HS6ST3: variants seen among roughly 807,000 people sequenced by gnomAD.
The protein encoded by HS6ST3 is heparan-sulfate 6-O-sulfotransferase 3.
In HS6ST3, 12 loss-of-function variants were observed where a neutral mutation model predicts 36.7. The observed-to-expected ratio is 0.33, with a 90% CI of 0.21 to 0.53. The LOEUF (loss-of-function observed/expected upper bound fraction) is 0.53, where lower values mean the gene tolerates loss of function less well. HS6ST3 is among the 20% of genes least tolerant of loss of function. The pLI is 0.95. For missense variants in HS6ST3, 584 were observed against 640.9 expected (o/e 0.91, Z 0.96); for synonymous variants, 240 against 257.5 (o/e 0.93, Z 0.65).
chr13:96,722,857 G>T (rs1200210450), intron 1 of HS6ST3, among the ~76,000 whole-genome samples: 1 of 152,106 alleles, frequency 6.6e-6, no homozygotes, highest in Non-Finnish European at 1.5e-5. Context: ...TGCGCCTGTA[G>T]TCCCAGCTAC....
chr13:96,500,038 T>C (rs576915879), intron 1 of HS6ST3, among the ~76,000 whole-genome samples: 24 of 152,330 alleles, frequency 1.6e-4, no homozygotes, highest in Non-Finnish European at 2.8e-4. Context: ...CAGAACATTT[T>C]CATCACTGCA....
intron 1 of HS6ST3, among the ~76,000 whole-genome samples, chr13:96,824,367 G>A (rs1244661887): frequency 2.6e-5 from 4 of 152,202 alleles, no homozygotes; most frequent in Admixed American, 2.6e-4. Context: ...ACACACCACT[G>A]TCAGCTTCCT....
rs2056301976 is a variant in HS6ST3, at chr13:96,571,810, G to T, written c.708-260680G>T. ...AGTCAAAGATAGTTTGTATATTTAT[G>T]CCTACCTCATAACAAGAAGGATTCA... On this transcript the variant is annotated intron_variant, in intron 1 of 1. Transcript: ENST00000376705. Among the ~76,000 whole-genome samples the T allele has an allele frequency of 2.0e-5, 3 of 152,134 alleles. No homozygotes were observed. The South Asian group carries it at 6.2e-4, about 31-fold the overall frequency.
intron 1 of HS6ST3, among the ~76,000 whole-genome samples, chr13:96,768,914 T>C (rs1877188464): frequency 6.6e-6 from 1 of 152,058 alleles, no homozygotes; most frequent in South Asian, 2.1e-4. Flanking sequence ...AAACAAAGAT[T>C]CCTGGGCTAG....
intron 1 of HS6ST3, among the ~76,000 whole-genome samples, chr13:96,826,606 T>C (rs1328794248): frequency 6.6e-6 from 1 of 152,086 alleles, no homozygotes; most frequent in Non-Finnish European, 1.5e-5. Context: ...TCAAGGAAGA[T>C]GGATGTGAGC....
At chr13:96,312,839 C>T (rs1350417043) in intron 1 of HS6ST3, among the ~76,000 whole-genome samples, 1 of 150,064 alleles carries the variant, frequency 6.7e-6, no homozygotes, top group Non-Finnish European at 1.5e-5. Flanking sequence ...GTAATCCCAG[C>T]TACTTAGGAG....
chr13:96,184,917 C>T (rs895696225), intron 1 of HS6ST3, among the ~76,000 whole-genome samples: 3 of 152,146 alleles, frequency 2.0e-5, no homozygotes, highest in African/African-American at 4.8e-5. Context: ...GGCCCTGGCA[C>T]AAGGTAGTGA....
chr13:96,227,488 ACCT>A (rs1386073214), intron 1 of HS6ST3, among the ~76,000 whole-genome samples: 4 of 152,132 alleles, frequency 2.6e-5, no homozygotes, highest in African/African-American at 9.7e-5. Flanking sequence ...TGATCAAAGA[ACCT>A]CTGTACTGTG....
chr13:96,266,899 T>C (rs912643098), intron 1 of HS6ST3, among the ~76,000 whole-genome samples: 1 of 152,174 alleles, frequency 6.6e-6, no homozygotes, highest in Non-Finnish European at 1.5e-5. Context: ...TCCTGAGCTG[T>C]ATGTTCTAAC....
intron 1 of HS6ST3, among the ~76,000 whole-genome samples, chr13:96,156,326 T>TA (rs1485679166): frequency 2.0e-5 from 3 of 152,188 alleles, no homozygotes; most frequent in Non-Finnish European, 2.9e-5. Flanking sequence ...TCCTGCTTCT[T>TA]ACAGTGCAGA....
At chr13:96,809,975 G>A (rs576097613) in intron 1 of HS6ST3, among the ~76,000 whole-genome samples, 3 of 152,156 alleles carry the variant, frequency 2.0e-5, no homozygotes, top group Non-Finnish European at 4.4e-5. Context: ...TGAGATAGCT[G>A]GTACTCAAGA....
chr13:96,642,850 T>A (rs2056575026), intron 1 of HS6ST3, among the ~76,000 whole-genome samples: 1 of 151,982 alleles, frequency 6.6e-6, no homozygotes, highest in African/African-American at 2.4e-5. Flanking sequence ...TAAATATATT[T>A]AAAATAACTG....
At chr13:96,401,557 A>G (rs1210135060) in intron 1 of HS6ST3, among the ~76,000 whole-genome samples, 1 of 152,132 alleles carries the variant, frequency 6.6e-6, no homozygotes, top group Non-Finnish European at 1.5e-5. Flanking sequence ...TTCATGAATC[A>G]AAAATACTTT....
At chr13:96,697,261 A>T (rs548562481) in intron 1 of HS6ST3, among the ~76,000 whole-genome samples, 3 of 152,062 alleles carry the variant, frequency 2.0e-5, no homozygotes, top group African/African-American at 7.2e-5. Flanking sequence ...GAATCTTTTT[A>T]AATGAGCAGA....
At chr13:96,412,291 C>T (rs1018955875) in intron 1 of HS6ST3, among the ~76,000 whole-genome samples, 1 of 152,178 alleles carries the variant, frequency 6.6e-6, no homozygotes, top group Admixed American at 6.5e-5. Flanking sequence ...GCGAGAGCCA[C>T]TGCACCTGGC....
At chr13:96,238,231 G>T (rs977251595) in intron 1 of HS6ST3, among the ~76,000 whole-genome samples, 2 of 152,016 alleles carry the variant, frequency 1.3e-5, no homozygotes, top group African/African-American at 4.8e-5. Flanking sequence ...CTATGGCTTT[G>T]CCCTTCTATA....
chr13:96,546,255 C>T (rs1364989199), intron 1 of HS6ST3, among the ~76,000 whole-genome samples: 1 of 151,948 alleles, frequency 6.6e-6, no homozygotes, highest in Non-Finnish European at 1.5e-5. Flanking sequence ...AGGAGTGGAA[C>T]CTGGATAATA....
chr13:96,780,686 G>A (rs1032254291), intron 1 of HS6ST3, among the ~76,000 whole-genome samples: 7 of 152,038 alleles, frequency 4.6e-5, no homozygotes, highest in Admixed American at 2.0e-4. Flanking sequence ...GCTCTCTCTG[G>A]AGCACCTTCT....
chr13:96,832,529 A>G lies in HS6ST3; in HGVS notation c.747A>G (p.Ser249=), dbSNP rs752374267. The change falls in exon 2 of 2, where the codon TCA becomes TCG. Residue 249 remains serine, a synonymous_variant. Transcript: ENST00000376705. ...TCACAATGTTACGGGATCCAGTGTCACGTTACCTGAGCGAGTGGAAACATG... is the reference window on the plus strand; with the variant it reads ...TCACAATGTTACGGGATCCAGTGTCGCGTTACCTGAGCGAGTGGAAACATG... The part of the protein sequence containing the change: ...YYITMLRDPV[S]RYLSEWKHVQ... 3 of 1,602,950 alleles carry G rather than the reference A, an allele frequency of 1.9e-6. No individual in the cohort carries two copies. In the South Asian group the frequency reaches 3.4e-5, roughly 18 times the overall value.
Sources: gnomAD v4.1 joint callset for allele counts (sites outside exome capture counted in the v4.1 genomes callset) on GRCh38, gnomAD v4.1.1 for gene constraint, MANE v1.5 for transcripts, NCBI Gene and HGNC (gene_info 2026-07-23, HGNC 2026-07-21) for gene names.